Variants in MCU observed in about 807,000 individuals in gnomAD.
MCU encodes calcium uniporter protein, mitochondrial.
MCU carries 12 observed loss-of-function variants against 45.2 expected under a neutral mutation model. The observed-to-expected ratio is 0.27, with a 90% confidence interval of 0.17 to 0.43. MCU has a LOEUF of 0.43. Ranked by LOEUF, MCU falls within the 20% of genes least tolerant of loss-of-function variation. MCU has a pLI of 1.00. For synonymous variants in MCU, 160 were observed against 165.1 expected (o/e 0.97, Z 0.24); for missense variants, 324 against 436.7 (o/e 0.74, Z 2.30).
chr10:72,771,372 C>T (rs1253544050), intron 1 of MCU, among the ~76,000 whole-genome samples: 1 of 152,148 alleles, frequency 6.6e-6, no homozygotes, highest in African/African-American at 2.4e-5. Flanking sequence ...GACACAAACT[C>T]ATCCTTTTTT....
intron 1 of MCU, among the ~76,000 whole-genome samples, chr10:72,696,093 C>T (rs1302883461): frequency 2.9e-4 from 38 of 129,602 alleles, no homozygotes; most frequent in African/African-American, 9.5e-4. Flanking sequence ...AACTAGAAGG[C>T]GGAGGTTGTA....
chr10:72,804,601 G>A (rs886248013), intron 1 of MCU, among the ~76,000 whole-genome samples: 2 of 151,874 alleles, frequency 1.3e-5, no homozygotes, highest in African/African-American at 2.4e-5. Context: ...TCCTAACATA[G>A]TTGATTGAAA....
At chr10:72,823,762 A>G (rs995438547) in intron 1 of MCU, among the ~76,000 whole-genome samples, 2 of 152,212 alleles carry the variant, frequency 1.3e-5, no homozygotes, top group East Asian at 3.8e-4. Context: ...AAAGAGTTAA[A>G]GACAAGTAAG....
At chr10:72,720,614 T>G (rs1441715628) in intron 1 of MCU, among the ~76,000 whole-genome samples, 23 of 152,226 alleles carry the variant, frequency 1.5e-4, no homozygotes. Flanking sequence ...TTCCAATTTA[T>G]AGAATACTCC....
chr10:72,729,952 C>CAT (rs1413419136), intron 1 of MCU, among the ~76,000 whole-genome samples: 1 of 90,554 alleles, frequency 1.1e-5, no homozygotes, highest in African/African-American at 3.9e-5. Flanking sequence ...CTTCAGCATT[C>CAT]TTTTTTTTTT....
At chr10:72,735,813 A>G (rs1476269692) in intron 1 of MCU, among the ~76,000 whole-genome samples, 2 of 152,190 alleles carry the variant, frequency 1.3e-5, no homozygotes, top group Admixed American at 6.5e-5. Context: ...GCCTAATTAT[A>G]TAGAATATCT....
chr10:72,706,834 C>A lies in MCU; in HGVS notation c.150+14533C>A, dbSNP rs192172238. 6.4e-4 allele frequency among the ~76,000 whole-genome samples: 86 copies of A among 133,464 alleles called. No individual in the cohort carries two copies. The East Asian group carries it at 0.017, about 26-fold the overall frequency. The allele number at this position is 133,464 out of a possible 152,430, so 87.6% of individuals were successfully genotyped here. On this transcript the variant is annotated intron_variant, in intron 1 of 7. Transcript: ENST00000373053. ...ATAGACGTAAACCACCGCACCCGGC[C>A]TTTTTTTTTTTTTTTGAGACAGTCT... is the stretch of plus-strand genomic sequence containing the variant.
Position 72,859,253 on chromosome 10 carries a change from C to T in MCU, c.297C>T (p.Phe99=). ...RLPSRRERCQ[F]TLKPISDSVG... ...CATCCCGGCGTGAACGCTGTCAGTTCACACTCAAGCCTATCTCTGACTCTG... is the reference window on the plus strand; with the variant it reads ...CATCCCGGCGTGAACGCTGTCAGTTTACACTCAAGCCTATCTCTGACTCTG... The change falls in exon 3 of 8, where the codon TTC becomes TTT. Residue 99 remains phenylalanine, a synonymous_variant. Coordinates refer to ENST00000373053, the MANE Select transcript of MCU (RefSeq NM_138357.3). The T allele has an allele frequency of 1.2e-6, 2 of 1,613,556 alleles. No individual in the cohort carries two copies. The highest frequency in any genetic ancestry group is 1.7e-6 in the Non-Finnish European group (2 of 1,179,814).
chr10:72,792,947 T>C (rs1272848796), intron 1 of MCU, among the ~76,000 whole-genome samples: 2 of 151,954 alleles, frequency 1.3e-5, no homozygotes, highest in Non-Finnish European at 2.9e-5. Context: ...GGCACGATCT[T>C]GGCTCACTGC....
chr10:72,844,522 T>C (rs1469371673), intron 2 of MCU, among the ~76,000 whole-genome samples: 1 of 152,178 alleles, frequency 6.6e-6, no homozygotes, highest in Non-Finnish European at 1.5e-5. Context: ...TGAGCCCTGA[T>C]CATGCCACTG....
At chr10:72,795,855 G>T (rs979729038) in intron 1 of MCU, among the ~76,000 whole-genome samples, 1 of 151,902 alleles carries the variant, frequency 6.6e-6, no homozygotes, top group Non-Finnish European at 1.5e-5. Context: ...AAAATTAGCC[G>T]GGTGTGGTGG....
intron 1 of MCU, chr10:72,712,256 C>T (rs1842904508): frequency 6.6e-6 from 1 of 152,068 alleles, no homozygotes. Context: ...ACCAGTTTTC[C>T]TTTTTTGGTG....
intron 2 of MCU, among the ~76,000 whole-genome samples, chr10:72,835,661 T>G (rs1447115702): frequency 6.6e-6 from 1 of 152,144 alleles, no homozygotes; most frequent in Non-Finnish European, 1.5e-5. Flanking sequence ...GAAAAATCCA[T>G]TGTGATTACT....
At chr10:72,839,450 G>A (rs891533881) in intron 2 of MCU, among the ~76,000 whole-genome samples, 1 of 151,974 alleles carries the variant, frequency 6.6e-6, no homozygotes, top group African/African-American at 2.4e-5. Context: ...CAAAAATGTC[G>A]TATAAATGGA....
chr10:72,777,027 A>C (rs117454329), intron 1 of MCU, among the ~76,000 whole-genome samples: 13 of 152,212 alleles, frequency 8.5e-5, no homozygotes, highest in African/African-American at 2.7e-4. Flanking sequence ...GGAAAACTAT[A>C]AAACTCTGAT....
chr10:72,853,629 T>TA (rs1422884550), intron 2 of MCU, among the ~76,000 whole-genome samples: 3 of 152,118 alleles, frequency 2.0e-5, no homozygotes, highest in African/African-American at 7.2e-5. Context: ...AAGCCAGATC[T>TA]AAAAAATCTA....
chr10:72,861,553 G>T (rs1845375743), intron 4 of MCU: 1 of 267,952 alleles, frequency 3.7e-6, no homozygotes, highest in African/African-American at 2.4e-5. Flanking sequence ...CACCATATTG[G>T]TCAGGCTGGT....
chr10:72,745,504 C>T (rs1564545020), intron 1 of MCU, among the ~76,000 whole-genome samples: 1 of 152,186 alleles, frequency 6.6e-6, no homozygotes, highest in Non-Finnish European at 1.5e-5. Context: ...GCTGGGATTA[C>T]AGGTGTGAGC....
intron 2 of MCU, among the ~76,000 whole-genome samples, chr10:72,851,121 G>A (rs1402712295): frequency 6.6e-6 from 1 of 152,142 alleles, no homozygotes; most frequent in Non-Finnish European, 1.5e-5. Flanking sequence ...TATAATAAAG[G>A]CTTGTCAGCT....
Sources: allele counts gnomAD v4.1 joint callset (sites outside exome capture counted in the v4.1 genomes callset), GRCh38; gene constraint gnomAD v4.1.1; transcripts MANE v1.5; gene names NCBI Gene and HGNC (gene_info 2026-07-23, HGNC 2026-07-21).